CHRM2: variants seen among roughly 807,000 people sequenced by gnomAD.
CHRM2 encodes cholinergic receptor muscarinic 2, also known as muscarinic acetylcholine receptor M2.
Under a neutral mutation model 25.0 loss-of-function variants are expected in CHRM2, and 8 were observed. The ratio of observed to expected loss-of-function variants is 0.32; its 90% confidence interval spans 0.19 to 0.58. The LOEUF is 0.58. Among genes scored for constraint, CHRM2 ranks in the 20% least tolerant of loss-of-function variants. CHRM2 has a pLI of 0.88. For synonymous variants in CHRM2, 202 were observed against 205.7 expected, an observed-to-expected ratio of 0.98 and a Z score of 0.15; for missense variants, 440 against 567.1, an observed-to-expected ratio of 0.78 and a Z score of 2.28.
intron 2 of CHRM2, among the ~76,000 whole-genome samples, chr7:136,957,546 T>C (rs1417925436): frequency 9.2e-5 from 14 of 152,240 alleles, no homozygotes; most frequent in Admixed American, 9.2e-4. Flanking sequence ...CTTATTCTTT[T>C]TGACTATTAC....
chr7:136,919,107 T>G (rs1758452356), intron 2 of CHRM2, among the ~76,000 whole-genome samples: 1 of 152,130 alleles, frequency 6.6e-6, no homozygotes, highest in Admixed American at 6.6e-5. Flanking sequence ...TGGAGACCCC[T>G]AAGACATGTT....
chr7:136,900,899 A>C (rs1180514906), intron 2 of CHRM2, among the ~76,000 whole-genome samples: 1 of 151,982 alleles, frequency 6.6e-6, no homozygotes, highest in East Asian at 1.9e-4. Context: ...GATCTGAATG[A>C]TATGGGTAGG....
chr7:136,909,796 C>A (rs1797743030), intron 2 of CHRM2, among the ~76,000 whole-genome samples: 2 of 151,892 alleles, frequency 1.3e-5, no homozygotes. Flanking sequence ...ATATAACTAA[C>A]ACAAATTTAT....
chr7:136,947,602 A>T (rs1800143812), intron 2 of CHRM2, among the ~76,000 whole-genome samples: 1 of 152,146 alleles, frequency 6.6e-6, no homozygotes, highest in Non-Finnish European at 1.5e-5. Flanking sequence ...AGACCTAATA[A>T]CCTGCTAGGA....
chr7:136,971,615 T>TCC (rs1801774866), intron 2 of CHRM2, among the ~76,000 whole-genome samples: 2 of 101,366 alleles, frequency 2.0e-5, no homozygotes, highest in African/African-American at 7.5e-5. Flanking sequence ...AGACTCTGTT[T>TCC]CACAAAAAAA....
At chr7:136,984,068 C>G (rs963969255) in intron 2 of CHRM2, among the ~76,000 whole-genome samples, 2 of 152,108 alleles carry the variant, frequency 1.3e-5, no homozygotes, top group African/African-American at 4.8e-5. Flanking sequence ...TTCTCTGTCC[C>G]AGGGATATGG....
At chr7:136,969,153 G>T (rs979625393) in intron 2 of CHRM2, among the ~76,000 whole-genome samples, 3 of 152,084 alleles carry the variant, frequency 2.0e-5, no homozygotes, top group Admixed American at 2.0e-4. Context: ...ATCTTAAATA[G>T]CTGCAGGACA....
At chr7:136,995,091 C>T (rs536538365) in intron 3 of CHRM2, among the ~76,000 whole-genome samples, 20 of 152,104 alleles carry the variant, frequency 1.3e-4, no homozygotes, top group Admixed American at 1.3e-3. Context: ...AAAATAATAG[C>T]TTTTATATAT....
intron 2 of CHRM2, among the ~76,000 whole-genome samples, chr7:136,885,665 A>G (rs1796435248): frequency 6.6e-6 from 1 of 152,240 alleles, no homozygotes; most frequent in Admixed American, 6.5e-5. Flanking sequence ...GTGATTCATC[A>G]TAATTCTAGC....
chr7:136,899,826 T>C (rs1797101635), intron 2 of CHRM2: 1 of 152,046 alleles, frequency 6.6e-6, no homozygotes, highest in Admixed American at 6.6e-5. Context: ...AGCTAATATT[T>C]GGGAGGAAAG....
rs1316640365 is a variant in CHRM2 at position 136,938,988 on chromosome 7, T to TTAATATAA, written c.-124-53197_-124-53190dup. ...AGAGTGCTTGTGTAGCCATCAAACA[T>TTAATATAA]TAATATAATTCCAATTCTAAGAGGC... On this transcript the variant is annotated intron_variant, in intron 2 of 3. Coordinates refer to ENST00000680005, the MANE Select transcript of CHRM2 (RefSeq NM_001006630.2). Among the ~76,000 whole-genome samples the TTAATATAA allele has an allele frequency of 4.7e-5, 6 of 126,668 alleles. No homozygotes were observed. The East Asian group carries it at 1.8e-3, about 38-fold the overall frequency. The allele number at this position is 126,668 out of a possible 152,430, so 83.1% of individuals were successfully genotyped here. A position where few individuals can be genotyped will look rare whatever the true frequency, so the allele number is the denominator to read the frequency against.
intron 2 of CHRM2, among the ~76,000 whole-genome samples, chr7:136,990,118 T>G (rs1803120573): frequency 6.6e-6 from 1 of 152,098 alleles, no homozygotes. Context: ...TTACAGAGAT[T>G]TCTTATATAC....
intron 2 of CHRM2, among the ~76,000 whole-genome samples, chr7:136,962,509 A>G (rs1259059349): frequency 6.6e-6 from 1 of 151,912 alleles, no homozygotes; most frequent in Non-Finnish European, 1.5e-5. Context: ...AATTAAGTAG[A>G]CTCTAAGTAA....
chr7:136,948,199 C>T (rs1660270824), intron 2 of CHRM2, among the ~76,000 whole-genome samples: 1 of 151,778 alleles, frequency 6.6e-6, no homozygotes, highest in African/African-American at 2.4e-5. Context: ...TAACTATCAT[C>T]TAGATAGAAA....
At chr7:136,880,021 T>C (rs1174072376) in intron 2 of CHRM2, among the ~76,000 whole-genome samples, 3 of 151,028 alleles carry the variant, frequency 2.0e-5, no homozygotes, top group African/African-American at 7.3e-5. Context: ...ACAGTGCAAG[T>C]TCCCGTGGTC....
chr7:136,905,839 G>A (rs904435235), intron 2 of CHRM2, among the ~76,000 whole-genome samples: 4 of 151,122 alleles, frequency 2.6e-5, no homozygotes, highest in African/African-American at 9.7e-5. Flanking sequence ...GATTGCGAGA[G>A]TATCTATCAA....
intron 2 of CHRM2, among the ~76,000 whole-genome samples, chr7:136,943,353 C>G (rs1190533063): frequency 6.6e-6 from 1 of 152,116 alleles, no homozygotes; most frequent in African/African-American, 2.4e-5. Flanking sequence ...CCTTTAAGCT[C>G]TGGTGGAAAC....
intron 3 of CHRM2, among the ~76,000 whole-genome samples, chr7:137,013,648 G>A (rs1157102227): frequency 1.3e-5 from 2 of 151,918 alleles, no homozygotes; most frequent in African/African-American, 4.8e-5. Flanking sequence ...CATTATGAAA[G>A]ATCACTCAAT....
At chr7:136,880,116 G>C (rs568160498) in intron 2 of CHRM2, among the ~76,000 whole-genome samples, 4 of 150,942 alleles carry the variant, frequency 2.7e-5, no homozygotes, top group Non-Finnish European at 5.9e-5. Context: ...ATCTTAGTGC[G>C]TAAGGTTTGT....
Sources: gnomAD v4.1 joint callset for allele counts (sites outside exome capture counted in the v4.1 genomes callset) on GRCh38, gnomAD v4.1.1 for gene constraint, MANE v1.5 for transcripts, NCBI Gene and HGNC (gene_info 2026-07-23, HGNC 2026-07-21) for gene names.